TRAPPC11: variants seen among roughly 807,000 people sequenced by gnomAD.
The protein encoded by TRAPPC11 is trafficking protein particle complex subunit 11.
TRAPPC11 carries 104 observed loss-of-function variants against 151.2 expected under a neutral mutation model. The observed-to-expected ratio is 0.69, with a 90% confidence interval of 0.59 to 0.81. The LOEUF (loss-of-function observed/expected upper bound fraction) is 0.81. TRAPPC11 is among the 30% of genes least tolerant of loss of function. The pLI, the probability that TRAPPC11 is intolerant of heterozygous loss-of-function variation, is 0.00. For missense variants in TRAPPC11, 1,230 were observed against 1,349.6 expected (o/e 0.91, Z 1.39); for synonymous variants, 456 against 472.3 (o/e 0.97, Z 0.45).
rs1294920820 is a variant in TRAPPC11 at position 183,713,467 on chromosome 4, T to C, written c.*823T>C. The C allele has an allele frequency of 1.3e-5, 2 of 152,670 alleles. No homozygotes were observed. The highest frequency in any genetic ancestry group is 4.8e-5 in the African/African-American group (2 of 41,458). 9.5% of individuals were successfully genotyped at this position (152,670 alleles called of 1,614,324 possible). Reference sequence around the variant, plus strand: ...GTAAATAAAAATCATAGGGTGAAAATTGTATTTGTTAAAATACCTTAATAA... The same window carrying C: ...GTAAATAAAAATCATAGGGTGAAAACTGTATTTGTTAAAATACCTTAATAA... On this transcript the variant is annotated 3_prime_UTR_variant, in exon 30 of 30. Transcript: ENST00000334690.
At chr4:183,668,360 C>T (rs1734986926) in intron 5 of TRAPPC11, among the ~76,000 whole-genome samples, 1 of 152,040 alleles carries the variant, frequency 6.6e-6, no homozygotes, top group Admixed American at 6.6e-5. Context: ...TGTATAAGAA[C>T]AAATATATGT....
chr4:183,679,211 A>C, intron 8 of TRAPPC11, 142 bp from the exon 9 acceptor site: 33 of 695,308 alleles, frequency 4.7e-5, no homozygotes, highest in East Asian at 6.3e-5. Flanking sequence ...CTGATGAGGA[A>C]AATTAATTGT....
intron 27 of TRAPPC11, 119 bp from the exon 28 acceptor site, chr4:183,706,688 C>T (rs1397971775): frequency 6.4e-6 from 7 of 1,096,858 alleles, no homozygotes; most frequent in Admixed American, 4.8e-5. Context: ...GGCAAGAGTA[C>T]AGTAACGTCA....
At position 183,708,480 on chromosome 4, in the gene TRAPPC11, A is replaced by G. The variant is rs1737191929; in HGVS notation, c.3263A>G (p.Gln1088Arg). 8 of 1,614,182 alleles carry G rather than the reference A, an allele frequency of 5.0e-6. No individual in the cohort carries two copies. Among genetic ancestry groups the G allele is most frequent in the Non-Finnish European group, 6.8e-6 (8 of 1,179,998 alleles). Residue 1088 changes from glutamine to arginine, a missense_variant, in exon 29 of 30, where the codon CAG becomes CGG. Transcript: ENST00000334690. ...YNFYPLMAGY[Q>R]QLPSLNINLL... ...TTCTATCCTCTGATGGCTGGATACCAGCAGCTGCCATCTCTCAACATCAAC... is the reference window on the plus strand; with the variant it reads ...TTCTATCCTCTGATGGCTGGATACCGGCAGCTGCCATCTCTCAACATCAAC...
intron 5 of TRAPPC11, among the ~76,000 whole-genome samples, chr4:183,672,095 G>A (rs1164672023): frequency 6.6e-6 from 1 of 152,208 alleles, no homozygotes; most frequent in Non-Finnish European, 1.5e-5. Flanking sequence ...AAGCATCCAT[G>A]TTAAATTCCA....
chr4:183,671,352 G>A (rs1224120076), intron 5 of TRAPPC11, among the ~76,000 whole-genome samples: 6 of 152,064 alleles, frequency 3.9e-5, no homozygotes, highest in South Asian at 2.1e-4. Flanking sequence ...TTGGCTGGGC[G>A]GGACAGTATT....
intron 18 of TRAPPC11, among the ~76,000 whole-genome samples, 183 bp from the exon 19 acceptor site, chr4:183,691,133 G>T (rs981073431): frequency 1.3e-5 from 2 of 152,202 alleles, no homozygotes; most frequent in Non-Finnish European, 2.9e-5. Flanking sequence ...GTAGTGAACT[G>T]TTATATTATG....
At chr4:183,683,527 T>C (rs1735803412) in intron 11 of TRAPPC11, among the ~76,000 whole-genome samples, 1 of 152,066 alleles carries the variant, frequency 6.6e-6, no homozygotes, top group African/African-American at 2.4e-5. Context: ...CCACACATAG[T>C]GGCATGTGCC....
chr4:183,699,488 T>C (rs764308386), intron 25 of TRAPPC11, among the ~76,000 whole-genome samples: 1 of 152,228 alleles, frequency 6.6e-6, no homozygotes, highest in Non-Finnish European at 1.5e-5. Flanking sequence ...TTCATATCGC[T>C]AGCATCATAG....
chr4:183,707,254 A>G (rs111417907), intron 28 of TRAPPC11, among the ~76,000 whole-genome samples: 1,644 of 148,664 alleles, frequency 0.011, 32 homozygotes, highest in African/African-American at 0.037. Context: ...GTGTGTGTTT[A>G]TGTGTGTGTG....
intron 26 of TRAPPC11, among the ~76,000 whole-genome samples, chr4:183,703,362 G>A (rs1437275605): frequency 6.6e-6 from 1 of 152,170 alleles, no homozygotes; most frequent in Non-Finnish European, 1.5e-5. Flanking sequence ...TTACTAAGAA[G>A]TAAATAAACT....
In TRAPPC11 at chr4:183,693,986, A is replaced by C; in HGVS notation, c.2456A>C (p.Tyr819Ser). 1 of 1,614,066 alleles carries C rather than the reference A, an allele frequency of 6.2e-7. No homozygotes were observed. Residue 819 changes from tyrosine (Y) to serine (S), a missense_variant, in exon 22 of 30, where the codon TAC (tyrosine) becomes TCC (serine). Tyr to Ser is a moderately radical substitution (Grantham distance 144). Transcript: ENST00000334690. ...LHGTELCDES[Y>S]PALLTDIPVG... The stretch of plus-strand genomic sequence containing the variant: ...GGAACAGAACTGTGTGATGAATCCT[A>C]CCCGGCTTTACTCACTGACATTCCT...
chr4:183,681,711 C>A (rs1006812258), intron 10 of TRAPPC11, among the ~76,000 whole-genome samples: 1 of 149,644 alleles, frequency 6.7e-6, no homozygotes, highest in Non-Finnish European at 1.5e-5. Context: ...ACCTGGGAGG[C>A]GGGGCTTGCA....
intron 29 of TRAPPC11, among the ~76,000 whole-genome samples, chr4:183,709,030 A>G (rs1402909654): frequency 1.3e-5 from 2 of 152,034 alleles, no homozygotes; most frequent in East Asian, 3.9e-4. Flanking sequence ...GGTCCCTACA[A>G]TAAAAGAATA....
intron 22 of TRAPPC11, among the ~76,000 whole-genome samples, chr4:183,694,260 G>C (rs1736414454): frequency 6.6e-6 from 1 of 152,176 alleles, no homozygotes; most frequent in South Asian, 2.1e-4. Flanking sequence ...ACATGAATTA[G>C]TGGGCTAATA....
chr4:183,686,583 T>C (rs532868315), intron 17 of TRAPPC11, 35 bp from the exon 18 acceptor site: 3 of 1,608,872 alleles, frequency 1.9e-6, no homozygotes, highest in East Asian at 4.5e-5. Flanking sequence ...GGGTATCTGG[T>C]TGTGCATAAC....
intron 1 of TRAPPC11, among the ~76,000 whole-genome samples, chr4:183,663,101 C>T (rs1032431317): frequency 1.3e-5 from 2 of 152,096 alleles, no homozygotes; most frequent in Non-Finnish European, 2.9e-5. Context: ...GAGTCTCACT[C>T]TGTCACCCAG....
chr4:183,690,872 G>A (rs1236622722), intron 18 of TRAPPC11, among the ~76,000 whole-genome samples: 1 of 152,154 alleles, frequency 6.6e-6, no homozygotes, highest in Non-Finnish European at 1.5e-5. Flanking sequence ...GGAGGCTGAG[G>A]TGGGACTATC....
chr4:183,702,342 T>TAA (rs761830872), intron 26 of TRAPPC11, among the ~76,000 whole-genome samples: 16 of 125,506 alleles, frequency 1.3e-4, no homozygotes, highest in African/African-American at 3.1e-4. Context: ...AGACCCTGTT[T>TAA]AAAAAAAAAA....
Sources: allele counts gnomAD v4.1 joint callset (sites outside exome capture counted in the v4.1 genomes callset), GRCh38; gene constraint gnomAD v4.1.1; transcripts MANE v1.5; gene names NCBI Gene and HGNC (gene_info 2026-07-23, HGNC 2026-07-21).